The following MTARC2 variants were observed in gnomAD, a reference collection of about 807,000 sequenced individuals.
MTARC2 encodes MOCO sulphurase C-terminal domain containing 2.
In MTARC2, 27 loss-of-function variants were observed where a neutral mutation model predicts 35.6. The observed-to-expected ratio is 0.76, with a 90% CI of 0.56 to 1.04. MTARC2 has a LOEUF of 1.04. MTARC2 is among the 50% of genes least tolerant of loss of function. The probability of loss-of-function intolerance (pLI) is 0.00; values close to 1 mark genes in which losing one functional copy is unlikely to be tolerated. For missense variants in MTARC2, 412 were observed against 432.5 expected, an observed-to-expected ratio of 0.95 and a Z score of 0.42; for synonymous variants, 158 against 167.1, an observed-to-expected ratio of 0.95 and a Z score of 0.42.
Position 220,780,934 on chromosome 1 carries a change from T to C in MTARC2, c.884+695T>C, listed in dbSNP as rs1314766275. Among the ~76,000 whole-genome samples the C allele has an allele frequency of 7.3e-5, 11 of 151,528 alleles. No homozygotes were observed. The East Asian group carries it at 2.1e-3, about 29-fold the overall frequency. On this transcript the variant is annotated intron_variant, in intron 6 of 7. Transcript: ENST00000366913. ...TATGAGAATAATTGAAACTGCATAA[T>C]GAAATATTAGAAAAAAATGAATGTA...
intron 4 of MTARC2, among the ~76,000 whole-genome samples, chr1:220,776,897 T>G (rs981620135): frequency 1.3e-5 from 2 of 152,182 alleles, no homozygotes; most frequent in Non-Finnish European, 2.9e-5. Context: ...CGCCCTCGTG[T>G]GGTAGGTGCC....
At chr1:220,768,594 A>G (rs1671648130) in intron 4 of MTARC2, among the ~76,000 whole-genome samples, 1 of 152,138 alleles carries the variant, frequency 6.6e-6, no homozygotes, top group Non-Finnish European at 1.5e-5. Context: ...TTTTCAGGTC[A>G]TTTGGCAAAC....
At chr1:220,755,214 G>C in intron 2 of MTARC2, 94 bp downstream of exon 2, 2 of 1,321,800 alleles carry the variant, frequency 1.5e-6, no homozygotes, top group Non-Finnish European at 2.1e-6. Context: ...TTCTACAGTA[G>C]AGGATGACAT....
chr1:220,758,041 G>C (rs2102547667), intron 2 of MTARC2, among the ~76,000 whole-genome samples: 1 of 152,182 alleles, frequency 6.6e-6, no homozygotes, highest in Admixed American at 6.5e-5. Flanking sequence ...CTGGAGTGCA[G>C]TGGCGCGATC....
intron 7 of MTARC2, 80 bp from the exon 8 acceptor site, chr1:220,783,839 A>T (rs1377303700): frequency 5.6e-6 from 4 of 716,280 alleles, no homozygotes; most frequent in Admixed American, 2.0e-5. Context: ...TCAATAAGTG[A>T]CTGTTTTGTG....
At chr1:220,762,801 C>A (rs1227903645) in intron 3 of MTARC2, 109 bp from the exon 4 acceptor site, 6 of 1,154,726 alleles carry the variant, frequency 5.2e-6, no homozygotes, top group Non-Finnish European at 7.6e-6. Flanking sequence ...AACACTGCTC[C>A]CCTCTTCTGC....
Position 220,784,463 on chromosome 1 carries a change from G to C in MTARC2, c.*576G>C, listed in dbSNP as rs1015232576. 1.3e-5 allele frequency: 2 copies of C among 154,808 alleles called. No individual in the cohort carries two copies. Among genetic ancestry groups the C allele is most frequent in the African/African-American group, 4.8e-5 (2 of 41,440 alleles). The allele number at this position is 154,808 out of a possible 1,614,324, so 9.6% of individuals were successfully genotyped here. A position where few individuals can be genotyped will look rare whatever the true frequency, so the allele number is the denominator to read the frequency against. On this transcript the variant is annotated 3_prime_UTR_variant, in exon 8 of 8. Coordinates refer to ENST00000366913, the MANE Select transcript of MTARC2 (RefSeq NM_017898.5). ...GCATTATGGAATCTGGGCTGTACTTGAGTATGGAAATTCTCTTATAGACTT... is the reference window on the plus strand; with the variant it reads ...GCATTATGGAATCTGGGCTGTACTTCAGTATGGAAATTCTCTTATAGACTT...
intron 2 of MTARC2, 73 bp downstream of exon 2, chr1:220,755,193 C>T: frequency 6.9e-7 from 1 of 1,451,066 alleles, no homozygotes; most frequent in East Asian, 2.4e-5. Context: ...TGCATTCTGT[C>T]TTGCTATAGT....
In MTARC2 at chr1:220,781,941, T is replaced by A; in HGVS notation, c.*31+9T>A. On this transcript the variant is annotated intron_variant, in intron 7 of 7. Coordinates refer to ENST00000366913, the MANE Select transcript of MTARC2 (RefSeq NM_017898.5). ...TCCACTAGGGTGATATGGTAAAGGG[T>A]CAGCTTTGCTTCTGAATACGCTGTC... 1 of 1,596,590 alleles carries A rather than the reference T, an allele frequency of 6.3e-7. No individual in the cohort carries two copies. Among genetic ancestry groups the A allele is most frequent in the Non-Finnish European group, 8.5e-7 (1 of 1,169,930 alleles).
At chr1:220,770,871 A>C (rs1671724925) in intron 4 of MTARC2, among the ~76,000 whole-genome samples, 1 of 152,266 alleles carries the variant, frequency 6.6e-6, no homozygotes, top group African/African-American at 2.4e-5. Context: ...GTCAGCCTGC[A>C]GGATGTCCCA....
At position 220,765,269 on chromosome 1, in the gene MTARC2, G is replaced by T. The variant is rs78766801; in HGVS notation, c.750+2219G>T. The stretch of plus-strand genomic sequence containing the variant: ...CACAAGAGGCCATGAATAAAGGGGT[G>T]CTTGGGAGCATTTTAGAATCACAGG... On this transcript the variant is annotated intron_variant, in intron 4 of 7. Transcript: ENST00000366913. Among the ~76,000 whole-genome samples, 882 of 152,292 alleles carry T rather than the reference G, an allele frequency of 5.8e-3. 8 individuals are homozygous for T. The East Asian group carries it at 0.061, about 11-fold the overall frequency.
At chr1:220,766,777 C>A (rs1267351221) in intron 4 of MTARC2, among the ~76,000 whole-genome samples, 1 of 151,312 alleles carries the variant, frequency 6.6e-6, no homozygotes, top group African/African-American at 2.4e-5. Flanking sequence ...TAAACCTAAT[C>A]CTGCTTTCTT....
chr1:220,761,787 A>G lies in MTARC2; in HGVS notation c.576A>G (p.Arg192=). The change falls in exon 3 of 8, where the codon AGA becomes AGG. Residue 192 remains arginine, a synonymous_variant. Coordinates refer to ENST00000366913, the MANE Select transcript of MTARC2 (RefSeq NM_017898.5). ...FETNMKGRTS[R]KLLPTLDQNF... ...CAAACATGAAGGGAAGAACATCAAGAAAACTTCTCCCCACTCTTGATCAGA... is the reference window on the plus strand; with the variant it reads ...CAAACATGAAGGGAAGAACATCAAGGAAACTTCTCCCCACTCTTGATCAGA... 2 of 1,612,998 alleles carry G rather than the reference A, an allele frequency of 1.2e-6. No individual in the cohort carries two copies. The highest frequency in any genetic ancestry group is 1.7e-6 in the Non-Finnish European group (2 of 1,179,692).
intron 4 of MTARC2, among the ~76,000 whole-genome samples, chr1:220,777,737 C>G (rs1671956748): frequency 6.6e-6 from 1 of 152,108 alleles, no homozygotes; most frequent in Non-Finnish European, 1.5e-5. Context: ...ATAAAGAATA[C>G]AGATGGCCTC....
rs1228220481 is a variant in MTARC2 at position 220,769,592 on chromosome 1, C to G, written c.750+6542C>G. Reference sequence around the variant, plus strand: ...TAACTGGCAGGAGTTGCGGATGTGCCTGGAGAGCAGAGTGGCCTTTAAATC... The same window carrying G: ...TAACTGGCAGGAGTTGCGGATGTGCGTGGAGAGCAGAGTGGCCTTTAAATC... On this transcript the variant is annotated intron_variant, in intron 4 of 7. Coordinates refer to ENST00000366913, the MANE Select transcript of MTARC2 (RefSeq NM_017898.5). Among the ~76,000 whole-genome samples the G allele has an allele frequency of 3.9e-5, 6 of 152,076 alleles. No individual in the cohort carries two copies. In the East Asian group the frequency reaches 1.2e-3, roughly 29 times the overall value.
intron 4 of MTARC2, among the ~76,000 whole-genome samples, chr1:220,779,464 T>A (rs1362331928): frequency 6.6e-6 from 1 of 152,210 alleles, no homozygotes; most frequent in Non-Finnish European, 1.5e-5. Flanking sequence ...ATTGAGTTAA[T>A]CCCTGAGGCA....
chr1:220,772,672 A>C (rs1191332182), intron 4 of MTARC2, among the ~76,000 whole-genome samples: 1 of 149,218 alleles, frequency 6.7e-6, no homozygotes, highest in Non-Finnish European at 1.5e-5. Flanking sequence ...AGAAAGAGGC[A>C]CTCTGGGCAG....
chr1:220,780,157 C>T lies in MTARC2; in HGVS notation c.813-11C>T, dbSNP rs759979149. 6.2e-7 allele frequency: 1 copy of T among 1,612,444 alleles called. No homozygotes were observed. Among genetic ancestry groups the T allele is most frequent in the East Asian group, 2.2e-5 (1 of 44,808 alleles). Reference sequence around the variant, plus strand: ...CTAAGCATCACCTAACCCTTGGTTACTGCATAACAGGTGTATTTTGACAAC... The same window carrying T: ...CTAAGCATCACCTAACCCTTGGTTATTGCATAACAGGTGTATTTTGACAAC... On this transcript the variant is annotated splice_polypyrimidine_tract_variant and intron_variant, in intron 5 of 7. Transcript: ENST00000366913.
intron 4 of MTARC2, among the ~76,000 whole-genome samples, chr1:220,773,518 A>G (rs1671803427): frequency 6.6e-6 from 1 of 152,116 alleles, no homozygotes; most frequent in African/African-American, 2.4e-5. Context: ...GGTACCCTCA[A>G]TTTATAGCCA....
Sources: allele counts gnomAD v4.1 joint callset (sites outside exome capture counted in the v4.1 genomes callset), GRCh38; gene constraint gnomAD v4.1.1; transcripts MANE v1.5; gene names NCBI Gene and HGNC (gene_info 2026-07-23, HGNC 2026-07-21).